Variants in SEC14L2 observed in about 807,000 individuals in gnomAD.
SEC14L2 encodes SEC14-like protein 2.
In SEC14L2, 50 loss-of-function variants were observed where a neutral mutation model predicts 56.9. The ratio of observed to expected loss-of-function variants is 0.88; its 90% CI spans 0.70 to 1.11. The LOEUF (loss-of-function observed/expected upper bound fraction) is 1.11, where lower values mean the gene tolerates loss of function less well. Among genes scored for constraint, SEC14L2 ranks in the 50% most tolerant of loss-of-function variants. The probability of loss-of-function intolerance (pLI) is 0.00; values close to 1 mark genes in which losing one functional copy is unlikely to be tolerated. For missense variants in SEC14L2, 414 were observed against 500.7 expected (o/e 0.83, Z 1.65); for synonymous variants, 179 against 188.5 (o/e 0.95, Z 0.41).
intron 8 of SEC14L2, among the ~76,000 whole-genome samples, chr22:30,414,529 T>G (rs1428696526): frequency 6.6e-6 from 1 of 152,188 alleles, no homozygotes; most frequent in African/African-American, 2.4e-5. Context: ...CCTAAAAATC[T>G]GAGGGCTGGC....
intron 2 of SEC14L2, among the ~76,000 whole-genome samples, chr22:30,403,052 G>A (rs1933985076): frequency 6.6e-6 from 1 of 152,130 alleles, no homozygotes; most frequent in African/African-American, 2.4e-5. Context: ...ATTCCAACCT[G>A]GGCGACAGAG....
Position 30,424,785 on chromosome 22 carries a change from A to C in SEC14L2, c.*2378A>C, listed in dbSNP as rs566145768. 2.1e-4 allele frequency: 98 copies of C among 456,624 alleles called. No homozygotes were observed. The highest frequency in any genetic ancestry group is 1.6e-3 in the African/African-American group (80 of 50,144). The allele number at this position is 456,624 out of a possible 1,614,324, so 28.3% of individuals were successfully genotyped here. On this transcript the variant is annotated 3_prime_UTR_variant, in exon 12 of 12. Transcript: ENST00000615189. ...ACCCGCCAAGGAGTCACAGAGACTTAGTGAAGTGCACACATTGCTCACCTG... is the reference window on the plus strand; with the variant it reads ...ACCCGCCAAGGAGTCACAGAGACTTCGTGAAGTGCACACATTGCTCACCTG...
chr22:30,401,797 G>A (rs1933945220), intron 2 of SEC14L2, among the ~76,000 whole-genome samples: 1 of 151,686 alleles, frequency 6.6e-6, no homozygotes, highest in African/African-American at 2.4e-5. Context: ...TTTGAAACAG[G>A]GTCTTGCTGG....
intron 4 of SEC14L2, 41 bp from the exon 5 acceptor site, chr22:30,407,374 G>A (rs905037330): frequency 8.1e-6 from 13 of 1,599,798 alleles, no homozygotes; most frequent in Non-Finnish European, 1.0e-5. Context: ...GCAAGGTATG[G>A]ATGCCTGCTG....
Position 30,407,519 on chromosome 22 carries a change from C to G in SEC14L2, c.339C>G (p.Phe113Leu), listed in dbSNP as rs201989594. The G allele has an allele frequency of 2.3e-5, 37 of 1,614,178 alleles. 1 individual carries two copies. The Admixed American group carries it at 6.2e-4, about 27-fold the overall frequency. ...IGPLDAKGLL[F>L]SASKQDLLRT... ...CTCTGGATGCCAAGGGTCTGCTGTT[C>G]TCAGCCTCCAAACAGGACCTGCTGA... The change falls in exon 5 of 12, where the codon TTC becomes TTG. Residue 113 changes from phenylalanine (F) to leucine (L), a missense_variant. Phe to Leu is a conservative substitution (Grantham distance 22, BLOSUM62 0). Transcript: ENST00000615189.
intron 3 of SEC14L2, among the ~76,000 whole-genome samples, chr22:30,406,634 C>T (rs1378447978): frequency 6.6e-6 from 1 of 152,188 alleles, no homozygotes; most frequent in Non-Finnish European, 1.5e-5. Context: ...CCTTCTTTTC[C>T]ATTCCTGCCT....
chr22:30,425,249 T>G lies in SEC14L2; in HGVS notation c.*2842T>G, dbSNP rs534691215. ...TCAGGTGTAAGACATGGAGAGTCCT[T>G]TAGCGAACATGTAGACTGGCAATAA... On this transcript the variant is annotated 3_prime_UTR_variant, in exon 12 of 12. Transcript: ENST00000615189. The G allele has an allele frequency of 1.7e-5, 3 of 178,944 alleles. No homozygotes were observed. The highest frequency in any genetic ancestry group is 7.1e-5 in the African/African-American group (3 of 42,144). 11.1% of individuals were successfully genotyped at this position (178,944 alleles called of 1,614,324 possible).
chr22:30,421,192 CAT>C (rs1027583958), intron 11 of SEC14L2: 7 of 144,300 alleles, frequency 4.9e-5, no homozygotes, highest in Middle Eastern at 3.6e-3. Flanking sequence ...CACACACACA[CAT>C]ATTCACAGGA....
At chr22:30,412,188 A>G (rs1239028806) in intron 8 of SEC14L2, among the ~76,000 whole-genome samples, 1 of 152,114 alleles carries the variant, frequency 6.6e-6, no homozygotes, top group African/African-American at 2.4e-5. Context: ...GAGTACCACA[A>G]ATTTTAAACC....
chr22:30,414,263 T>G (rs1417708384), intron 8 of SEC14L2, among the ~76,000 whole-genome samples: 1 of 152,178 alleles, frequency 6.6e-6, no homozygotes, highest in African/African-American at 2.4e-5. Context: ...ATGATTTTTG[T>G]TTTTTCTGCT....
intron 8 of SEC14L2, among the ~76,000 whole-genome samples, chr22:30,411,127 T>C (rs763272813): frequency 6.6e-6 from 1 of 151,922 alleles, no homozygotes; most frequent in Non-Finnish European, 1.5e-5. Flanking sequence ...CTGGGCATAA[T>C]GGCGTGCACT....
At chr22:30,402,509 A>G (rs1933967461) in intron 2 of SEC14L2, among the ~76,000 whole-genome samples, 1 of 152,140 alleles carries the variant, frequency 6.6e-6, no homozygotes, top group Admixed American at 6.5e-5. Flanking sequence ...ACAGGCTCAG[A>G]GAGGGGAGGG....
intron 5 of SEC14L2, 145 bp downstream of exon 5, chr22:30,407,748 T>A: frequency 2.9e-6 from 2 of 694,874 alleles, no homozygotes; most frequent in Non-Finnish European, 4.3e-6. Flanking sequence ...AAAACTTTTT[T>A]AGTAGAGACG....
Position 30,422,395 on chromosome 22 carries a change from C to T in SEC14L2, c.1200C>T (p.Gly400=). 3.1e-6 allele frequency: 5 copies of T among 1,614,174 alleles called. No homozygotes were observed. The highest frequency in any genetic ancestry group is 3.4e-6 in the Non-Finnish European group (4 of 1,180,016). Residue 400 remains glycine, a synonymous_variant, in exon 12 of 12, where the codon GGC becomes GGT. Transcript: ENST00000615189. ...AGAAGATGAAACAGCTGGGGGCAGG[C>T]ACCCCGAAATAACACCTTCTCCTAT... ...SEEKMKQLGA[G]TPK
At chr22:30,410,159 A>C (rs764078527) in intron 7 of SEC14L2, among the ~76,000 whole-genome samples, 30 of 151,626 alleles carry the variant, frequency 2.0e-4, no homozygotes, top group Non-Finnish European at 4.1e-4. Flanking sequence ...GAGCTCACTG[A>C]GGCTGAGGCA....
chr22:30,405,351 T>C (rs926867899), intron 2 of SEC14L2, among the ~76,000 whole-genome samples: 1 of 152,212 alleles, frequency 6.6e-6, no homozygotes, highest in Admixed American at 6.5e-5. Context: ...GTCTCTGAAA[T>C]GAATCTCAAC....
rs762921897 is a variant in SEC14L2, at chr22:30,422,627, A to G, written c.*220A>G. The G allele has an allele frequency of 9.1e-5, 49 of 537,880 alleles. No individual in the cohort carries two copies. The highest frequency in any genetic ancestry group is 5.0e-4 in the Middle Eastern group (1 of 1,982). The allele number at this position is 537,880 out of a possible 1,614,324, so 33.3% of individuals were successfully genotyped here. ...CCCCAGGAGCTGGCTGGCCATCGTG[A>G]TAGGATCTGTCTGTCCTGTAAACTG... On this transcript the variant is annotated 3_prime_UTR_variant, in exon 12 of 12. Transcript: ENST00000615189.
intron 8 of SEC14L2, among the ~76,000 whole-genome samples, chr22:30,411,987 G>C (rs1004884439): frequency 6.6e-6 from 1 of 152,184 alleles, no homozygotes; most frequent in Admixed American, 6.5e-5. Flanking sequence ...CTGCTTGGCA[G>C]AAAGAAGAGC....
chr22:30,399,125 C>T (rs1180405237), intron 1 of SEC14L2, among the ~76,000 whole-genome samples: 3 of 152,050 alleles, frequency 2.0e-5, no homozygotes, highest in Non-Finnish European at 2.9e-5. Flanking sequence ...TCACTCCCTT[C>T]CCACTTCCTG....
Sources: gnomAD v4.1 joint callset for allele counts (sites outside exome capture counted in the v4.1 genomes callset) on GRCh38, gnomAD v4.1.1 for gene constraint, MANE v1.5 for transcripts, NCBI Gene and HGNC (gene_info 2026-07-23, HGNC 2026-07-21) for gene names.